ABAT: variants seen among roughly 807,000 people sequenced by gnomAD.
The protein encoded by ABAT is 4-aminobutyrate aminotransferase.
ABAT carries 45 observed loss-of-function variants against 64.6 expected under a neutral mutation model. The observed-to-expected ratio is 0.70, with a 90% CI of 0.55 to 0.89. The LOEUF (loss-of-function observed/expected upper bound fraction) is 0.89. Ranked by LOEUF, ABAT falls within the 40% of genes least tolerant of loss-of-function variation. The pLI is 0.00. For synonymous variants in ABAT, 297 were observed against 250.5 expected, an observed-to-expected ratio of 1.19 and a Z score of -1.75; for missense variants, 633 against 658.4, an observed-to-expected ratio of 0.96 and a Z score of 0.42.
chr16:8,760,231 G>A (rs1285746449), intron 6 of ABAT: 2 of 152,262 alleles, frequency 1.3e-5, no homozygotes, highest in African/African-American at 4.8e-5. Context: ...ACAGCCGGGG[G>A]AGGGTTCCAG....
chr16:8,771,412 T>A (rs1273415), intron 11 of ABAT, among the ~76,000 whole-genome samples: 1 of 151,040 alleles, frequency 6.6e-6, no homozygotes, highest in African/African-American at 2.4e-5. Flanking sequence ...TTGTACATAA[T>A]AAAGAAAGCT....
intron 1 of ABAT, among the ~76,000 whole-genome samples, chr16:8,686,567 C>T (rs548352341): frequency 6.6e-6 from 1 of 152,242 alleles, no homozygotes; most frequent in Non-Finnish European, 1.5e-5. Flanking sequence ...TCACAACAGC[C>T]CTATGAGGAA....
chr16:8,692,968 C>G (rs1277340026), intron 1 of ABAT, among the ~76,000 whole-genome samples: 1 of 152,190 alleles, frequency 6.6e-6, no homozygotes, highest in Non-Finnish European at 1.5e-5. Context: ...ATTCTCCTGC[C>G]TCAGCCTCCT....
rs2058913800 is a variant in ABAT, at chr16:8,735,912, A to C, written c.70+103A>C. 3.0e-6 allele frequency: 3 copies of C among 1,007,114 alleles called. 1 individual carries two copies. The Admixed American group carries it at 6.0e-5, about 20-fold the overall frequency. The allele number at this position is 1,007,114 out of a possible 1,614,324, so 62.4% of individuals were successfully genotyped here. ...GCCCTTGGGGATAAAGGGACCAGCCAGTGAGTGTTTCTGGGACTGTCCCAC... is the reference window on the plus strand; with the variant it reads ...GCCCTTGGGGATAAAGGGACCAGCCCGTGAGTGTTTCTGGGACTGTCCCAC... On this transcript the variant is annotated intron_variant, in intron 2 of 15. Coordinates refer to ENST00000268251, the MANE Select transcript of ABAT (RefSeq NM_020686.6).
intron 1 of ABAT, among the ~76,000 whole-genome samples, chr16:8,683,879 G>T (rs2057391485): frequency 1.3e-5 from 2 of 152,100 alleles, no homozygotes; most frequent in African/African-American, 4.8e-5. Context: ...GTCAATGAGT[G>T]TGTTCATTTA....
chr16:8,679,120 G>T lies in ABAT; in HGVS notation c.-42+4409G>T, dbSNP rs535301774. On this transcript the variant is annotated intron_variant, in intron 1 of 15. Transcript: ENST00000268251. ...AATCACTTGAGCCCAGGAGTTTGAGGCTGCAGTGAGTTGTGAGTGAGCCAC... is the reference window on the plus strand; with the variant it reads ...AATCACTTGAGCCCAGGAGTTTGAGTCTGCAGTGAGTTGTGAGTGAGCCAC... 5.3e-5 allele frequency among the ~76,000 whole-genome samples: 8 copies of T among 152,242 alleles called. No homozygotes were observed. In the East Asian group the frequency reaches 1.5e-3, roughly 29 times the overall value.
chr16:8,718,511 G>A (rs1273727084), intron 1 of ABAT, among the ~76,000 whole-genome samples: 1 of 152,168 alleles, frequency 6.6e-6, no homozygotes, highest in Non-Finnish European at 1.5e-5. Context: ...GTATAGGGCT[G>A]AAACTCCATG....
At position 8,783,014 on chromosome 16, in the gene ABAT, T is replaced by G. The variant is rs904693367; in HGVS notation, c.*1584T>G. On this transcript the variant is annotated 3_prime_UTR_variant, in exon 16 of 16. Transcript: ENST00000268251. ...TTGAAGAATGAAAGGCAATGACAAGTTTAACATATACAAATTCGTGAATTC... is the reference window on the plus strand; with the variant it reads ...TTGAAGAATGAAAGGCAATGACAAGGTTAACATATACAAATTCGTGAATTC... 1.3e-5 allele frequency: 2 copies of G among 152,090 alleles called. No homozygotes were observed. The highest frequency in any genetic ancestry group is 2.9e-5 in the Non-Finnish European group (2 of 68,014). 9.4% of individuals were successfully genotyped at this position (152,090 alleles called of 1,614,324 possible).
chr16:8,768,564 G>T (rs780199799), intron 10 of ABAT, among the ~76,000 whole-genome samples: 60 of 152,108 alleles, frequency 3.9e-4, no homozygotes, highest in Non-Finnish European at 7.5e-4. Context: ...GCCAATTAAG[G>T]GTTCGAGAGT....
At chr16:8,739,011 C>A (rs74008029) in intron 2 of ABAT, among the ~76,000 whole-genome samples, 22,344 of 152,130 alleles carry the variant, frequency 0.15, 1,985 homozygotes, top group African/African-American at 0.25. Flanking sequence ...TTATGCTAAA[C>A]TAAATCAGAA....
intron 1 of ABAT, among the ~76,000 whole-genome samples, chr16:8,678,324 T>A (rs1471203078): frequency 4.6e-5 from 7 of 152,134 alleles, no homozygotes; most frequent in Admixed American, 4.6e-4. Flanking sequence ...GGGTTACAAG[T>A]GTGAGTTACA....
At chr16:8,675,030 T>C (rs73497615) in intron 1 of ABAT, among the ~76,000 whole-genome samples, 4,040 of 152,264 alleles carry the variant, frequency 0.027, 187 homozygotes, top group African/African-American at 0.092. Context: ...CCCTCACCTC[T>C]TGGGAGACTG....
At chr16:8,754,568 C>T (rs1246530412) in intron 5 of ABAT, among the ~76,000 whole-genome samples, 1 of 152,162 alleles carries the variant, frequency 6.6e-6, no homozygotes, top group East Asian at 1.9e-4. Context: ...TCGTTTTGCA[C>T]AAACTCCATT....
intron 1 of ABAT, among the ~76,000 whole-genome samples, chr16:8,719,708 C>A (rs933100966): frequency 6.6e-6 from 1 of 151,852 alleles, no homozygotes; most frequent in Non-Finnish European, 1.5e-5. Flanking sequence ...GCCTGGGAAA[C>A]GTAGTGAGAC....
rs180753738 is a variant in ABAT at position 8,725,158 on chromosome 16, T to C, written c.-41-10541T>C. On this transcript the variant is annotated intron_variant, in intron 1 of 15. Coordinates refer to ENST00000268251, the MANE Select transcript of ABAT (RefSeq NM_020686.6). ...CTCGAATTCCTGACCTCAGGTGATC[T>C]ACCCGTCTCGGCCTCCCAAAGTGCT... is the stretch of plus-strand genomic sequence containing the variant. Among the ~76,000 whole-genome samples the C allele has an allele frequency of 5.0e-3, 760 of 152,272 alleles. 5 individuals carry two copies. The highest frequency in any genetic ancestry group is 0.018 in the African/African-American group (728 of 41,566).
chr16:8,755,465 A>G (rs899960295), intron 5 of ABAT, among the ~76,000 whole-genome samples: 16 of 152,190 alleles, frequency 1.1e-4, no homozygotes, highest in African/African-American at 3.9e-4. Flanking sequence ...TTAGAAACTC[A>G]AGTCAAACAA....
chr16:8,692,362 C>A (rs114698822), intron 1 of ABAT, among the ~76,000 whole-genome samples: 3,597 of 152,158 alleles, frequency 0.024, 141 homozygotes, highest in African/African-American at 0.082. Flanking sequence ...GGCGACAAAG[C>A]AAGACCCTAT....
intron 2 of ABAT, among the ~76,000 whole-genome samples, chr16:8,741,030 T>G (rs1300496778): frequency 6.6e-6 from 1 of 152,224 alleles, no homozygotes; most frequent in Admixed American, 6.5e-5. Context: ...AAGAGAACAT[T>G]AACAATGTTT....
chr16:8,686,652 A>C (rs907722381), intron 1 of ABAT, among the ~76,000 whole-genome samples: 1 of 152,178 alleles, frequency 6.6e-6, no homozygotes, highest in Non-Finnish European at 1.5e-5. Flanking sequence ...CTCCTACTGA[A>C]GGGAGCATTT....
Sources: gnomAD v4.1 joint callset for allele counts (sites outside exome capture counted in the v4.1 genomes callset) on GRCh38, gnomAD v4.1.1 for gene constraint, MANE v1.5 for transcripts, NCBI Gene and HGNC (gene_info 2026-07-23, HGNC 2026-07-21) for gene names.